Variants in ST18 observed in about 807,000 individuals in gnomAD.
ST18 encodes the protein ST18 C2H2C-type zinc finger transcription factor.
Under a neutral mutation model 110.0 loss-of-function variants are expected in ST18, and 50 were observed. That is an observed-to-expected ratio of 0.45 (90% CI 0.36 to 0.58). ST18 has a LOEUF of 0.58. Among genes scored for constraint, ST18 ranks in the 20% least tolerant of loss-of-function variants. The probability of loss-of-function intolerance (pLI) is 0.00; values close to 1 mark genes in which losing one functional copy is unlikely to be tolerated. For missense variants in ST18, 1,306 were observed against 1,280.1 expected, an observed-to-expected ratio of 1.02 and a Z score of -0.31; for synonymous variants, 461 against 452.4, an observed-to-expected ratio of 1.02 and a Z score of -0.24.
chr8:52,264,229 A>G (rs2094796424), intron 2 of ST18, among the ~76,000 whole-genome samples: 1 of 152,208 alleles, frequency 6.6e-6, no homozygotes, highest in Admixed American at 6.5e-5. Flanking sequence ...CTAATTCTTG[A>G]ACATTAAGTA....
intron 2 of ST18, among the ~76,000 whole-genome samples, chr8:52,361,889 T>A (rs964674375): frequency 6.6e-6 from 1 of 150,512 alleles, no homozygotes; most frequent in Non-Finnish European, 1.5e-5. Context: ...AAAGCGTTTG[T>A]TGATTTCACA....
intron 2 of ST18, among the ~76,000 whole-genome samples, chr8:52,316,274 C>T (rs775601626): frequency 4.6e-5 from 7 of 152,204 alleles, no homozygotes; most frequent in South Asian, 4.2e-4. Context: ...GCAAATATGA[C>T]GAAGTAGAAT....
intron 2 of ST18, among the ~76,000 whole-genome samples, chr8:52,395,988 A>G (rs977517069): frequency 2.6e-5 from 4 of 152,228 alleles, no homozygotes; most frequent in African/African-American, 9.6e-5. Context: ...AGGCACAAAA[A>G]TAAATGGTAG....
intron 2 of ST18, among the ~76,000 whole-genome samples, chr8:52,315,866 C>A (rs1247533848): frequency 6.6e-6 from 1 of 152,130 alleles, no homozygotes; most frequent in Non-Finnish European, 1.5e-5. Context: ...TTAAAATACT[C>A]AAGTCAAACA....
intron 8 of ST18, among the ~76,000 whole-genome samples, chr8:52,201,614 C>CA (rs11296221): frequency 6.6e-6 from 1 of 151,920 alleles, no homozygotes; most frequent in Non-Finnish European, 1.5e-5. Flanking sequence ...AAACAAAAAA[C>CA]AAAAAAACAA....
At chr8:52,176,028 T>C (rs1298388991) in intron 9 of ST18, among the ~76,000 whole-genome samples, 2 of 142,766 alleles carry the variant, frequency 1.4e-5, no homozygotes, top group African/African-American at 5.1e-5. Context: ...CAGCTAACTC[T>C]TTTTTTTTTT....
At chr8:52,131,571 CAG>C (rs2131517945) in intron 22 of ST18, among the ~76,000 whole-genome samples, 1 of 152,250 alleles carries the variant, frequency 6.6e-6, no homozygotes, top group East Asian at 1.9e-4. Flanking sequence ...GTCCATAAGA[CAG>C]AGGGAATGCT....
intron 2 of ST18, among the ~76,000 whole-genome samples, chr8:52,357,073 A>G (rs553589618): frequency 6.6e-6 from 1 of 152,244 alleles, no homozygotes; most frequent in African/African-American, 2.4e-5. Flanking sequence ...TAAAATAAAA[A>G]TATGAAAAAA....
At chr8:52,340,887 C>T (rs866281485) in intron 2 of ST18, among the ~76,000 whole-genome samples, 5 of 152,202 alleles carry the variant, frequency 3.3e-5, no homozygotes, top group South Asian at 2.1e-4. Context: ...ATGAGAAGGG[C>T]TAGTTCCAAG....
chr8:52,380,452 A>G lies in ST18; in HGVS notation c.-465+28876T>C, dbSNP rs189840929. Among the ~76,000 whole-genome samples the G allele has an allele frequency of 7.4e-4, 113 of 152,164 alleles. 1 individual carries two copies. The highest frequency in any genetic ancestry group is 6.7e-3 in the Admixed American group (102 of 15,278). Reference sequence around the variant, plus strand: ...GGGGGGAGTGGAAAGTATACGAGGAATTTTCAACTGCATGGGAGACGGGCA... The same window carrying G: ...GGGGGGAGTGGAAAGTATACGAGGAGTTTTCAACTGCATGGGAGACGGGCA... On this transcript the variant is annotated intron_variant, in intron 2 of 25. Transcript: ENST00000689386.
chr8:52,160,534 T>C (rs1192470984), intron 14 of ST18, among the ~76,000 whole-genome samples: 1 of 152,224 alleles, frequency 6.6e-6, no homozygotes, highest in Non-Finnish European at 1.5e-5. Flanking sequence ...ATGCAGAATG[T>C]TGTAAAAAAT....
chr8:52,199,893 C>T (rs1206955879), intron 8 of ST18, among the ~76,000 whole-genome samples: 2 of 152,198 alleles, frequency 1.3e-5, no homozygotes, highest in African/African-American at 4.8e-5. Context: ...GGCAATTTCT[C>T]TTCCTTCAAA....
At chr8:52,373,611 C>G (rs1831045152) in intron 2 of ST18, among the ~76,000 whole-genome samples, 1 of 152,126 alleles carries the variant, frequency 6.6e-6, no homozygotes, top group African/African-American at 2.4e-5. Flanking sequence ...ACCCCCACCC[C>G]AAACCCTCCT....
At chr8:52,314,190 T>G (rs996628576) in intron 2 of ST18, among the ~76,000 whole-genome samples, 14 of 152,104 alleles carry the variant, frequency 9.2e-5, no homozygotes, top group Admixed American at 2.0e-4. Flanking sequence ...TTCCTTGGCC[T>G]TAACTCCCAG....
intron 2 of ST18, among the ~76,000 whole-genome samples, chr8:52,310,179 A>C (rs1057270182): frequency 1.3e-5 from 2 of 152,156 alleles, no homozygotes; most frequent in Non-Finnish European, 2.9e-5. Flanking sequence ...TCTTTCCTGC[A>C]GTTTAATGGG....
At chr8:52,117,304 C>T (rs1192700867) in intron 24 of ST18, among the ~76,000 whole-genome samples, 1 of 152,210 alleles carries the variant, frequency 6.6e-6, no homozygotes, top group Non-Finnish European at 1.5e-5. Flanking sequence ...CCTCATTCCT[C>T]AAGTCTTTGT....
At chr8:52,389,744 C>T (rs1051347380) in intron 2 of ST18, among the ~76,000 whole-genome samples, 2 of 152,182 alleles carry the variant, frequency 1.3e-5, no homozygotes, top group Non-Finnish European at 2.9e-5. Flanking sequence ...GGCCTTCCTG[C>T]GTCGTGCAGG....
chr8:52,363,385 T>C (rs1008812771), intron 2 of ST18, among the ~76,000 whole-genome samples: 10 of 152,214 alleles, frequency 6.6e-5, no homozygotes, highest in Non-Finnish European at 1.0e-4. Flanking sequence ...AATATCTTCC[T>C]AGCTGTTTCC....
At chr8:52,372,113 C>G (rs1440320439) in intron 2 of ST18, among the ~76,000 whole-genome samples, 3 of 152,094 alleles carry the variant, frequency 2.0e-5, no homozygotes, top group Non-Finnish European at 2.9e-5. Flanking sequence ...TCCAGTGAGA[C>G]AAGATGTGGA....
Sources: allele counts gnomAD v4.1 joint callset (sites outside exome capture counted in the v4.1 genomes callset), GRCh38; gene constraint gnomAD v4.1.1; transcripts MANE v1.5; gene names NCBI Gene and HGNC (gene_info 2026-07-23, HGNC 2026-07-21).